Variants in SPECC1 observed in about 807,000 individuals in gnomAD.
SPECC1 encodes the protein sperm antigen with calponin homology and coiled-coil domains 1.
SPECC1 carries 62 observed loss-of-function variants against 104.1 expected under a neutral mutation model. That is an observed-to-expected ratio of 0.60 (90% CI 0.49 to 0.74). The LOEUF is 0.74. Ranked by LOEUF, SPECC1 falls within the 30% of genes least tolerant of loss-of-function variation. The pLI is 0.00. For synonymous variants in SPECC1, 513 were observed against 501.6 expected (o/e 1.02, Z -0.30); for missense variants, 1,306 against 1,310.5 (o/e 1.00, Z 0.05).
intron 1 of SPECC1, among the ~76,000 whole-genome samples, chr17:20,050,379 G>A (rs188158096): frequency 4.1e-4 from 63 of 152,072 alleles, no homozygotes; most frequent in African/African-American, 1.4e-3. Context: ...TTAAATTCCT[G>A]TATATGTTTG....
intron 3 of SPECC1, among the ~76,000 whole-genome samples, chr17:20,191,476 A>G (rs1332910005): frequency 7.4e-6 from 1 of 135,392 alleles, no homozygotes; most frequent in African/African-American, 2.9e-5. Context: ...CGGATGTATG[A>G]TGTGGAGCAG....
chr17:20,122,031 G>C (rs2049059678), intron 3 of SPECC1, among the ~76,000 whole-genome samples: 1 of 152,174 alleles, frequency 6.6e-6, no homozygotes, highest in Non-Finnish European at 1.5e-5. Context: ...GCAAGACGTG[G>C]GAGAGATGAG....
intron 3 of SPECC1, among the ~76,000 whole-genome samples, chr17:20,168,906 T>C (rs1458857975): frequency 3.3e-5 from 5 of 152,220 alleles, no homozygotes; most frequent in Admixed American, 6.5e-5. Context: ...AGGGTCTTGC[T>C]CTGTCATCCA....
intron 8 of SPECC1, 79 bp from the exon 9 acceptor site, chr17:20,247,140 G>A: frequency 1.7e-6 from 2 of 1,162,898 alleles, no homozygotes; most frequent in South Asian, 1.5e-5. Context: ...ACCAAAAAAA[G>A]TAACAAGAAA....
intron 7 of SPECC1, among the ~76,000 whole-genome samples, chr17:20,244,280 G>A (rs2039328962): frequency 6.6e-6 from 1 of 152,104 alleles, no homozygotes; most frequent in Non-Finnish European, 1.5e-5. Flanking sequence ...TCATGAGAAT[G>A]GCTAGCACAG....
chr17:20,104,115 CAGTT>C, intron 2 of SPECC1, among the ~76,000 whole-genome samples: 1 of 152,218 alleles, frequency 6.6e-6, no homozygotes. Context: ...AGGTTACAAT[CAGTT>C]GGTTAGTACG....
At position 20,318,250 on chromosome 17, in the gene SPECC1, G is replaced by A; in HGVS notation, c.*4185G>A. 1 of 232,584 alleles carries A rather than the reference G, an allele frequency of 4.3e-6. No homozygotes were observed. The highest frequency in any genetic ancestry group is 8.5e-6 in the Non-Finnish European group (1 of 117,596). The allele number at this position is 232,584 out of a possible 1,614,324, so 14.4% of individuals were successfully genotyped here. On this transcript the variant is annotated 3_prime_UTR_variant, in exon 15 of 15. Coordinates refer to ENST00000395527, the MANE Select transcript of SPECC1 (RefSeq NM_001243439.2). ...GTGAGAAGTCGCTGTTCTCTGCATTGAACATGGATTGAATTTTCCTTGTCT... is the reference window on the plus strand; with the variant it reads ...GTGAGAAGTCGCTGTTCTCTGCATTAAACATGGATTGAATTTTCCTTGTCT...
intron 3 of SPECC1, among the ~76,000 whole-genome samples, chr17:20,201,080 T>G (rs2036399527): frequency 6.6e-6 from 1 of 151,932 alleles, no homozygotes; most frequent in Admixed American, 6.6e-5. Context: ...AGGAAGGTGT[T>G]AAACTGTAGC....
At chr17:20,203,822 C>T (rs571599800) in intron 3 of SPECC1, among the ~76,000 whole-genome samples, 1 of 152,316 alleles carries the variant, frequency 6.6e-6, no homozygotes, top group East Asian at 1.9e-4. Context: ...TATTTACTGG[C>T]TTGCCTAACT....
intron 3 of SPECC1, among the ~76,000 whole-genome samples, chr17:20,183,655 C>T (rs1450360183): frequency 6.6e-6 from 1 of 152,084 alleles, no homozygotes; most frequent in Non-Finnish European, 1.5e-5. Flanking sequence ...TAAATGATGT[C>T]CAGATTACTT....
rs2036241110 is a variant in SPECC1 at position 20,199,225 on chromosome 17, T to TA, written c.284-5107dup. ...CCTCAGCCTCCCAAGTAGCTGGAGT[T>TA]ACAGGCATGTGCTGTGGCGCCCAGC... On this transcript the variant is annotated intron_variant, in intron 3 of 14. Transcript: ENST00000395527. Among the ~76,000 whole-genome samples, 4 of 151,620 alleles carry TA rather than the reference T, an allele frequency of 2.6e-5. No homozygotes were observed. In the South Asian group the frequency reaches 8.4e-4, roughly 32 times the overall value.
chr17:20,218,201 A>G (rs993603992), intron 4 of SPECC1, among the ~76,000 whole-genome samples: 1 of 152,246 alleles, frequency 6.6e-6, no homozygotes, highest in Non-Finnish European at 1.5e-5. Flanking sequence ...TTGTGAGAGA[A>G]AGAATGACTT....
chr17:20,110,292 A>G (rs960056694), intron 2 of SPECC1, 135 bp from the exon 3 acceptor site: 5 of 1,083,134 alleles, frequency 4.6e-6, no homozygotes, highest in East Asian at 2.4e-5. Context: ...ACTTCACTCT[A>G]TCATGCTACT....
At chr17:20,027,506 A>G (rs576524008) in intron 1 of SPECC1, among the ~76,000 whole-genome samples, 1 of 152,236 alleles carries the variant, frequency 6.6e-6, no homozygotes, top group Non-Finnish European at 1.5e-5. Context: ...GCCTGGACCA[A>G]TGTCCTGAAG....
At position 20,205,135 on chromosome 17, in the gene SPECC1, A is replaced by G; in HGVS notation, c.1086A>G (p.Pro362=). Residue 362 remains proline, a synonymous_variant, in exon 4 of 15, where the codon CCA becomes CCG. Coordinates refer to ENST00000395527, the MANE Select transcript of SPECC1 (RefSeq NM_001243439.2). ...SSKCSTAGSS[P]NSVSELSLAS... ...AGTGTTCTACTGCTGGGAGTTCCCC[A>G]AACAGCGTAAGTGAATTGTCCCTGG... The G allele has an allele frequency of 6.2e-7, 1 of 1,614,166 alleles. No individual in the cohort carries two copies. Among genetic ancestry groups the G allele is most frequent in the Non-Finnish European group, 8.5e-7 (1 of 1,180,032 alleles).
intron 3 of SPECC1, among the ~76,000 whole-genome samples, chr17:20,196,046 C>G (rs2036012243): frequency 6.6e-6 from 1 of 152,156 alleles, no homozygotes; most frequent in Admixed American, 6.5e-5. Context: ...CCAATGTCCA[C>G]ACACAGAATC....
intron 1 of SPECC1, among the ~76,000 whole-genome samples, chr17:20,076,077 A>G (rs2046748151): frequency 6.6e-6 from 1 of 152,212 alleles, no homozygotes; most frequent in Admixed American, 6.5e-5. Context: ...TGATCTCACT[A>G]CTGCATTTCA....
intron 1 of SPECC1, among the ~76,000 whole-genome samples, chr17:20,063,383 T>C (rs1052738997): frequency 6.7e-4 from 102 of 152,226 alleles, no homozygotes; most frequent in African/African-American, 2.4e-3. Context: ...AATTACGTTC[T>C]CTTTCTTGTT....
At chr17:20,137,999 C>T (rs750689241) in intron 3 of SPECC1, among the ~76,000 whole-genome samples, 8 of 138,600 alleles carry the variant, frequency 5.8e-5, no homozygotes, top group Non-Finnish European at 1.1e-4. Flanking sequence ...AACAGGGTCT[C>T]ACTCTGTTGC....
Sources: allele counts gnomAD v4.1 joint callset (sites outside exome capture counted in the v4.1 genomes callset), GRCh38; gene constraint gnomAD v4.1.1; transcripts MANE v1.5; gene names NCBI Gene and HGNC (gene_info 2026-07-23, HGNC 2026-07-21).